SUDS3: variants seen among roughly 807,000 people sequenced by gnomAD.
SUDS3 encodes the protein SIN3A corepressor complex component SDS3, also known as sin3 histone deacetylase corepressor complex component SDS3.
Under a neutral mutation model 53.5 loss-of-function variants are expected in SUDS3, and 23 were observed. That is an observed-to-expected ratio of 0.43 (90% CI 0.31 to 0.61). The LOEUF is 0.61. SUDS3 is among the 20% of genes least tolerant of loss of function. The pLI is 0.10. For synonymous variants in SUDS3, 150 were observed against 148.5 expected, an observed-to-expected ratio of 1.01 and a Z score of -0.08; for missense variants, 291 against 405.9, an observed-to-expected ratio of 0.72 and a Z score of 2.43.
chr12:118,389,095 G>A (rs2046141299), intron 4 of SUDS3, among the ~76,000 whole-genome samples: 1 of 152,118 alleles, frequency 6.6e-6, no homozygotes, highest in Admixed American at 6.5e-5. Flanking sequence ...GTTGCTGTGA[G>A]TCGAGATCAT....
At chr12:118,395,874 G>A (rs1163354291) in intron 6 of SUDS3, among the ~76,000 whole-genome samples, 1 of 151,924 alleles carries the variant, frequency 6.6e-6, no homozygotes, top group Non-Finnish European at 1.5e-5. Flanking sequence ...ATACTTTTTA[G>A]TAGAGACGGG....
At chr12:118,389,742 T>C (rs901103023) in intron 4 of SUDS3, among the ~76,000 whole-genome samples, 185 bp from the exon 5 acceptor site, 20 of 152,214 alleles carry the variant, frequency 1.3e-4, no homozygotes, top group Admixed American at 1.2e-3. Context: ...AGGGTCACAT[T>C]TTAACTAGAC....
At chr12:118,397,335 T>G (rs1226859471) in intron 6 of SUDS3, among the ~76,000 whole-genome samples, 1 of 152,126 alleles carries the variant, frequency 6.6e-6, no homozygotes, top group African/African-American at 2.4e-5. Flanking sequence ...TCATAGGAGA[T>G]TGATGGTAAA....
At chr12:118,380,419 C>T (rs771095044) in intron 2 of SUDS3, among the ~76,000 whole-genome samples, 188 bp downstream of exon 2, 2 of 152,172 alleles carry the variant, frequency 1.3e-5, no homozygotes, top group Non-Finnish European at 2.9e-5. Flanking sequence ...GGATGCTCAG[C>T]TGGTAAGTAT....
chr12:118,407,992 C>G (rs904305010), intron 10 of SUDS3, among the ~76,000 whole-genome samples: 3 of 152,018 alleles, frequency 2.0e-5, no homozygotes, highest in African/African-American at 7.2e-5. Context: ...ACCTCCGCCT[C>G]CCGAGTTCAA....
intron 4 of SUDS3, 89 bp from the exon 5 acceptor site, chr12:118,389,838 C>T: frequency 1.3e-6 from 2 of 1,496,734 alleles, no homozygotes; most frequent in South Asian, 2.3e-5. Context: ...TTTCAGAAAG[C>T]AATTACTGCT....
At chr12:118,413,215 A>G (rs1042916670) in intron 11 of SUDS3, among the ~76,000 whole-genome samples, 1 of 152,260 alleles carries the variant, frequency 6.6e-6, no homozygotes, top group Non-Finnish European at 1.5e-5. Context: ...GAAACAGAAT[A>G]AGCTTTTTTA....
intron 4 of SUDS3, 118 bp downstream of exon 4, chr12:118,386,303 G>A (rs904022105): frequency 1.2e-6 from 1 of 820,600 alleles, no homozygotes; most frequent in Non-Finnish European, 1.9e-6. Context: ...CTCTGTCAGG[G>A]AGAGTTTTCA....
intron 6 of SUDS3, among the ~76,000 whole-genome samples, chr12:118,393,246 C>T (rs146851880): frequency 4.1e-4 from 62 of 152,262 alleles, no homozygotes; most frequent in African/African-American, 1.5e-3. Flanking sequence ...TGGATTGATG[C>T]CCAATATCAT....
chr12:118,387,804 C>T (rs1400147028), intron 4 of SUDS3, among the ~76,000 whole-genome samples: 1 of 152,162 alleles, frequency 6.6e-6, no homozygotes, highest in Non-Finnish European at 1.5e-5. Context: ...GCCCGGCTCG[C>T]CTTGGCCTCC....
At chr12:118,394,411 TC>T (rs1312905663) in intron 6 of SUDS3, among the ~76,000 whole-genome samples, 2 of 152,114 alleles carry the variant, frequency 1.3e-5, no homozygotes, top group Non-Finnish European at 2.9e-5. Context: ...TTGCTCACAG[TC>T]CCTCAGTGAG....
intron 3 of SUDS3, among the ~76,000 whole-genome samples, chr12:118,384,371 A>G (rs937748350): frequency 6.6e-6 from 1 of 152,234 alleles, no homozygotes; most frequent in African/African-American, 2.4e-5. Flanking sequence ...TAGGAGAGAC[A>G]TTGTTATCAA....
At position 118,417,139 on chromosome 12, in the gene SUDS3, G is replaced by C. The variant is rs1247409623; in HGVS notation, c.*2706G>C. 6.6e-6 allele frequency: 1 copy of C among 151,876 alleles called. No homozygotes were observed. Among genetic ancestry groups the C allele is most frequent in the African/African-American group, 2.4e-5 (1 of 41,320 alleles). The allele number at this position is 151,876 out of a possible 1,614,324, so 9.4% of individuals were successfully genotyped here. A position where few individuals can be genotyped will look rare whatever the true frequency, so the allele number is the denominator to read the frequency against. On this transcript the variant is annotated 3_prime_UTR_variant, in exon 12 of 12. Coordinates refer to ENST00000543473, the MANE Select transcript of SUDS3 (RefSeq NM_022491.3). Reference sequence around the variant, plus strand: ...AATAATTTCCAGATGGATTTCTGTAGCCATACCAAAGCCAGGGTGTTTTCA... The same window carrying C: ...AATAATTTCCAGATGGATTTCTGTACCCATACCAAAGCCAGGGTGTTTTCA...
intron 1 of SUDS3, 54 bp downstream of exon 1, chr12:118,376,887 AG>A: frequency 1.8e-5 from 5 of 277,168 alleles, no homozygotes; most frequent in South Asian, 1.0e-4. Context: ...CCGCTGGGGG[AG>A]GGGGTGGGGC....
chr12:118,415,713 G>T lies in SUDS3; in HGVS notation c.*1280G>T, dbSNP rs1350651653. 1.3e-5 allele frequency: 2 copies of T among 152,114 alleles called. No homozygotes were observed. Among genetic ancestry groups the T allele is most frequent in the East Asian group, 3.9e-4 (2 of 5,188 alleles). 9.4% of individuals were successfully genotyped at this position (152,114 alleles called of 1,614,324 possible). On this transcript the variant is annotated 3_prime_UTR_variant, in exon 12 of 12. Transcript: ENST00000543473. ...TACACATCCTAGGAAATCTTTCTTT[G>T]TAAGTAATTCTTTTGGTCTCAAGTG...
At chr12:118,401,265 C>T (rs1474423863) in intron 7 of SUDS3, among the ~76,000 whole-genome samples, 2 of 152,184 alleles carry the variant, frequency 1.3e-5, no homozygotes, top group South Asian at 2.1e-4. Context: ...GATGGAGAAG[C>T]GTTGTTTCTG....
In SUDS3 at chr12:118,389,189, C is replaced by T. The variant is rs578189397; in HGVS notation, c.341-738C>T. On this transcript the variant is annotated intron_variant, in intron 4 of 11. Transcript: ENST00000543473. ...CCCCAGAAAACCAGGGGTCTCCATCCTTCAGGCTGCGGACCACTGGGCTGC... is the reference window on the plus strand; with the variant it reads ...CCCCAGAAAACCAGGGGTCTCCATCTTTCAGGCTGCGGACCACTGGGCTGC... 3.9e-5 allele frequency among the ~76,000 whole-genome samples: 6 copies of T among 152,154 alleles called. No homozygotes were observed. The South Asian group carries it at 1.2e-3, about 32-fold the overall frequency.
At chr12:118,411,265 G>A in intron 11 of SUDS3, 108 bp downstream of exon 11, 1 of 925,968 alleles carries the variant, frequency 1.1e-6, no homozygotes, top group Non-Finnish European at 1.7e-6. Flanking sequence ...GTGGAGTACT[G>A]TCTTCTATGT....
intron 1 of SUDS3, among the ~76,000 whole-genome samples, chr12:118,378,737 G>A (rs1477818601): frequency 2.0e-5 from 3 of 151,802 alleles, no homozygotes; most frequent in African/African-American, 4.8e-5. Flanking sequence ...GTGCAATGGC[G>A]CGATCTCGGC....
Sources: gnomAD v4.1 joint callset for allele counts (sites outside exome capture counted in the v4.1 genomes callset) on GRCh38, gnomAD v4.1.1 for gene constraint, MANE v1.5 for transcripts, NCBI Gene and HGNC (gene_info 2026-07-23, HGNC 2026-07-21) for gene names.